KCNH7: variants seen among roughly 807,000 people sequenced by gnomAD.
KCNH7 encodes the protein voltage-gated inwardly rectifying potassium channel KCNH7.
Under a neutral mutation model 120.8 loss-of-function variants are expected in KCNH7, and 49 were observed. The ratio of observed to expected loss-of-function variants is 0.41; its 90% CI spans 0.32 to 0.51. KCNH7 has a LOEUF of 0.51. Among genes scored for constraint, KCNH7 ranks in the 20% least tolerant of loss-of-function variants. The probability of loss-of-function intolerance (pLI) is 0.38; values close to 1 mark genes in which losing one functional copy is unlikely to be tolerated. For missense variants in KCNH7, 1,097 were observed against 1,446.6 expected (o/e 0.76, Z 3.92); for synonymous variants, 547 against 516.1 (o/e 1.06, Z -0.81).
intron 6 of KCNH7, 107 bp from the exon 7 acceptor site, chr2:162,446,550 G>A: frequency 1.3e-6 from 1 of 775,276 alleles, no homozygotes; most frequent in Non-Finnish European, 2.0e-6. Context: ...TTATTAGAGA[G>A]AATTCATGTA....
chr2:162,623,412 G>T (rs1024285377), intron 2 of KCNH7, among the ~76,000 whole-genome samples: 25 of 152,084 alleles, frequency 1.6e-4, no homozygotes, highest in African/African-American at 5.3e-4. Flanking sequence ...TTTATACTTT[G>T]GCTAAGATTT....
intron 2 of KCNH7, among the ~76,000 whole-genome samples, chr2:162,792,335 T>C (rs1683978221): frequency 6.6e-6 from 1 of 152,108 alleles, no homozygotes; most frequent in Non-Finnish European, 1.5e-5. Context: ...CTCAATTTTT[T>C]TGGAATAGTT....
chr2:162,825,759 A>T (rs1408061716), intron 2 of KCNH7, among the ~76,000 whole-genome samples: 1 of 152,052 alleles, frequency 6.6e-6, no homozygotes, highest in East Asian at 1.9e-4. Flanking sequence ...GTAATCATTA[A>T]AAAAATATGC....
chr2:162,707,213 A>C (rs560733349), intron 2 of KCNH7, among the ~76,000 whole-genome samples: 1 of 152,244 alleles, frequency 6.6e-6, no homozygotes, highest in African/African-American at 2.4e-5. Context: ...TATAAATTTG[A>C]GGTTAATTCA....
intron 6 of KCNH7, among the ~76,000 whole-genome samples, chr2:162,460,894 G>A (rs949293204): frequency 1.3e-5 from 2 of 152,152 alleles, no homozygotes; most frequent in Non-Finnish European, 2.9e-5. Context: ...CAGAATACCA[G>A]TATGTAACTC....
chr2:162,403,241 C>A (rs1687115104), intron 9 of KCNH7, among the ~76,000 whole-genome samples: 1 of 151,900 alleles, frequency 6.6e-6, no homozygotes, highest in Non-Finnish European at 1.5e-5. Flanking sequence ...CTTTGGTCTG[C>A]CTGATAGGGT....
chr2:162,687,553 C>T (rs576061577), intron 2 of KCNH7, among the ~76,000 whole-genome samples: 25 of 151,976 alleles, frequency 1.6e-4, no homozygotes, highest in Non-Finnish European at 2.9e-4. Context: ...CAATTTTTCC[C>T]AATTCTACAT....
chr2:162,601,310 G>T (rs754960144), intron 2 of KCNH7, among the ~76,000 whole-genome samples: 40 of 150,250 alleles, frequency 2.7e-4, no homozygotes, highest in Non-Finnish European at 1.6e-4. Flanking sequence ...AAGGTTCTGG[G>T]CATTTGGCTC....
At chr2:162,381,201 T>C (rs902668980) in intron 13 of KCNH7, among the ~76,000 whole-genome samples, 1 of 152,064 alleles carries the variant, frequency 6.6e-6, no homozygotes, top group African/African-American at 2.4e-5. Flanking sequence ...CAGAAAGTGA[T>C]TTTGGTTTGA....
intron 2 of KCNH7, among the ~76,000 whole-genome samples, chr2:162,566,977 A>G (rs1387823399): frequency 6.6e-6 from 1 of 152,032 alleles, no homozygotes; most frequent in Non-Finnish European, 1.5e-5. Flanking sequence ...TTAATACATG[A>G]CAACAGTGCA....
intron 2 of KCNH7, among the ~76,000 whole-genome samples, chr2:162,709,911 T>C (rs958019259): frequency 4.6e-5 from 7 of 152,122 alleles, no homozygotes; most frequent in Non-Finnish European, 1.0e-4. Context: ...ATATTGTCAC[T>C]GAAATTATGA....
chr2:162,747,771 C>T (rs1688364195), intron 2 of KCNH7, among the ~76,000 whole-genome samples: 1 of 150,188 alleles, frequency 6.7e-6, no homozygotes. Context: ...CCTCGATACT[C>T]ATATGCACCC....
chr2:162,436,981 G>T (rs1459190342), intron 7 of KCNH7, among the ~76,000 whole-genome samples: 1 of 151,948 alleles, frequency 6.6e-6, no homozygotes, highest in Non-Finnish European at 1.5e-5. Context: ...AATTAGCTGG[G>T]TATGGTGGTG....
intron 2 of KCNH7, among the ~76,000 whole-genome samples, chr2:162,729,162 A>ATTTTTTTTT (rs1412794660): frequency 8.3e-6 from 1 of 119,878 alleles, no homozygotes; most frequent in Non-Finnish European, 1.7e-5. Context: ...ATATACCCAA[A>ATTTTTTTTT]TTTTTTTTTT....
At chr2:162,624,889 GTTTTTT>G (rs66562676) in intron 2 of KCNH7, among the ~76,000 whole-genome samples, 2 of 69,714 alleles carry the variant, frequency 2.9e-5, no homozygotes, top group Admixed American at 2.2e-4. Flanking sequence ...TGCACTCTTG[GTTTTTT>G]TTTTTTTTTT....
intron 2 of KCNH7, among the ~76,000 whole-genome samples, chr2:162,793,826 T>C (rs1010498611): frequency 6.6e-6 from 1 of 152,018 alleles, no homozygotes; most frequent in Non-Finnish European, 1.5e-5. Context: ...TGTTTATTTT[T>C]TAACTTAGAG....
chr2:162,669,599 C>G (rs1206947396), intron 2 of KCNH7, among the ~76,000 whole-genome samples: 1 of 152,044 alleles, frequency 6.6e-6, no homozygotes, highest in Non-Finnish European at 1.5e-5. Flanking sequence ...TTTTTGGTAC[C>G]CATATTTGCA....
intron 2 of KCNH7, among the ~76,000 whole-genome samples, chr2:162,781,191 G>C (rs1036128966): frequency 6.6e-6 from 1 of 151,906 alleles, no homozygotes; most frequent in Non-Finnish European, 1.5e-5. Flanking sequence ...AATTCAGTTT[G>C]CATTTTGTCT....
chr2:162,586,173 C>T (rs780058357), intron 2 of KCNH7, among the ~76,000 whole-genome samples: 1 of 151,976 alleles, frequency 6.6e-6, no homozygotes, highest in Non-Finnish European at 1.5e-5. Flanking sequence ...ACTGCTTTAC[C>T]CTCAAGGGCT....
Sources: gnomAD v4.1 joint callset for allele counts (sites outside exome capture counted in the v4.1 genomes callset) on GRCh38, gnomAD v4.1.1 for gene constraint, MANE v1.5 for transcripts, NCBI Gene and HGNC (gene_info 2026-07-23, HGNC 2026-07-21) for gene names.